Variants in METTL15 observed in about 807,000 individuals in gnomAD.
METTL15 encodes the protein 12S rRNA N(4)-cytidine methyltransferase METTL15.
In METTL15, 34 loss-of-function variants were observed where a neutral mutation model predicts 38.3. That is an observed-to-expected ratio of 0.89 (90% CI 0.68 to 1.18). The LOEUF (loss-of-function observed/expected upper bound fraction) is 1.18, where lower values mean the gene tolerates loss of function less well. METTL15 is among the 50% of genes most tolerant of loss of function. METTL15 has a pLI of 0.00. For synonymous variants in METTL15, 162 were observed against 170.9 expected (o/e 0.95, Z 0.41); for missense variants, 438 against 498.4 (o/e 0.88, Z 1.15).
chr11:28,269,050 G>A (rs1330335522), intron 4 of METTL15, among the ~76,000 whole-genome samples: 1 of 152,074 alleles, frequency 6.6e-6, no homozygotes, highest in East Asian at 1.9e-4. Context: ...AGGTTGCATA[G>A]CGACAATATG....
chr11:28,327,500 A>G (rs1296247135), intron 6 of METTL15: 1 of 152,482 alleles, frequency 6.6e-6, no homozygotes. Context: ...TAATGTGAAC[A>G]TGATTTATAT....
chr11:28,275,011 A>G (rs1018904051), intron 4 of METTL15, among the ~76,000 whole-genome samples: 7 of 151,626 alleles, frequency 4.6e-5, no homozygotes, highest in African/African-American at 1.4e-4. Context: ...TATGGCTTAC[A>G]TCAATTAGAA....
At chr11:28,358,558 G>T (rs1244182020) in intron 4 of METTL15, among the ~76,000 whole-genome samples, 2 of 152,142 alleles carry the variant, frequency 1.3e-5, no homozygotes, top group Non-Finnish European at 2.9e-5. Context: ...CCAGAGATCA[G>T]GATTTTGAAA....
chr11:28,341,663 C>G (rs1849953935), intron 3 of METTL15, among the ~76,000 whole-genome samples: 1 of 152,168 alleles, frequency 6.6e-6, no homozygotes, highest in Admixed American at 6.5e-5. Context: ...AGGGTATGCA[C>G]AAAGTAGTAT....
At chr11:28,263,521 G>A (rs1855292760) in intron 4 of METTL15, among the ~76,000 whole-genome samples, 1 of 151,940 alleles carries the variant, frequency 6.6e-6, no homozygotes, top group Non-Finnish European at 1.5e-5. Context: ...TAAGAAGTTA[G>A]GTGTCTGTGA....
Position 28,463,659 on chromosome 11 carries a change from A to G in METTL15, c.*424+39295A>G, listed in dbSNP as rs186896570. Among the ~76,000 whole-genome samples the G allele has an allele frequency of 3.1e-3, 465 of 152,232 alleles. 2 individuals carry two copies. Among genetic ancestry groups the G allele is most frequent in the Non-Finnish European group, 5.5e-3 (372 of 68,008 alleles). On this transcript the variant is annotated intron_variant and NMD_transcript_variant, in intron 6 of 7. Transcript: ENST00000532947. ...CCATGAGGCCACTGTATTTATCAGG[A>G]TAGGTTGGTTATACTGTATTAACAA...
intron 3 of METTL15, among the ~76,000 whole-genome samples, chr11:28,350,323 G>C (rs1019781942): frequency 1.3e-5 from 2 of 152,026 alleles, no homozygotes; most frequent in Non-Finnish European, 2.9e-5. Context: ...TGAAGGAAAT[G>C]AGAAAAAAAG....
intron 6 of METTL15, among the ~76,000 whole-genome samples, chr11:28,474,298 T>C (rs1851327111): frequency 6.6e-6 from 1 of 152,056 alleles, no homozygotes; most frequent in South Asian, 2.1e-4. Context: ...TTGTGATAAA[T>C]ATACACTAAT....
At chr11:28,279,611 A>T (rs919804847) in intron 4 of METTL15, among the ~76,000 whole-genome samples, 9 of 152,156 alleles carry the variant, frequency 5.9e-5, no homozygotes, top group African/African-American at 1.9e-4. Flanking sequence ...CTTAGGAAAG[A>T]CTAACATGGC....
chr11:28,434,213 ATTC>A (rs1260490465), intron 6 of METTL15, among the ~76,000 whole-genome samples: 1 of 152,084 alleles, frequency 6.6e-6, no homozygotes, highest in Non-Finnish European at 1.5e-5. Flanking sequence ...CTTGGCTCTT[ATTC>A]TTCTCCTTCC....
At chr11:28,378,085 T>C (rs1850338674) in intron 5 of METTL15, among the ~76,000 whole-genome samples, 1 of 152,136 alleles carries the variant, frequency 6.6e-6, no homozygotes, top group Non-Finnish European at 1.5e-5. Flanking sequence ...CATTTAAGTC[T>C]GCAGAGGTTA....
intron 6 of METTL15, among the ~76,000 whole-genome samples, chr11:28,456,030 A>C (rs986557484): frequency 6.6e-6 from 1 of 151,812 alleles, no homozygotes; most frequent in Admixed American, 6.6e-5. Flanking sequence ...TTTAAAGACA[A>C]GCTTTCACTC....
At chr11:28,504,353 T>A (rs1407591198) in intron 6 of METTL15, among the ~76,000 whole-genome samples, 1 of 152,186 alleles carries the variant, frequency 6.6e-6, no homozygotes, top group Non-Finnish European at 1.5e-5. Context: ...GCTCATGCTA[T>A]TCCTAAAAGG....
chr11:28,173,480 C>T lies in METTL15; in HGVS notation c.271-37582C>T, dbSNP rs1850935731. Among the ~76,000 whole-genome samples, 3 of 152,170 alleles carry T rather than the reference C, an allele frequency of 2.0e-5. No individual in the cohort carries two copies. The South Asian group carries it at 6.2e-4, about 32-fold the overall frequency. On this transcript the variant is annotated intron_variant, in intron 3 of 6. Transcript: ENST00000407364. ...CTCCAGAACTGCAAGAAATAAATTT[C>T]TGTTGCTTATAAGCCACCTGGTTTA...
At chr11:28,178,885 A>AT (rs999612973) in intron 3 of METTL15, among the ~76,000 whole-genome samples, 1 of 151,678 alleles carries the variant, frequency 6.6e-6, no homozygotes, top group African/African-American at 2.4e-5. Flanking sequence ...CAATTTGGTG[A>AT]TTTTTTTGAC....
chr11:28,336,928 A>G (rs1026764907), downstream of METTL15, among the ~76,000 whole-genome samples: 1 of 152,080 alleles, frequency 6.6e-6, no homozygotes, highest in African/African-American at 2.4e-5. Context: ...ACCATAGGAG[A>G]TGACAGTTCT....
chr11:28,328,013 C>A, intron 6 of METTL15: 1 of 1,395,572 alleles, frequency 7.2e-7, no homozygotes, highest in Non-Finnish European at 9.8e-7. Flanking sequence ...CAAAAATATC[C>A]TGCAGTTCTT....
chr11:28,501,543 G>T (rs1851582628), intron 6 of METTL15, among the ~76,000 whole-genome samples: 1 of 152,152 alleles, frequency 6.6e-6, no homozygotes. Context: ...TGTAGTTGAT[G>T]ACTGCAAGGA....
intron 3 of METTL15, among the ~76,000 whole-genome samples, chr11:28,203,211 G>A (rs1038728359): frequency 6.6e-6 from 1 of 151,974 alleles, no homozygotes; most frequent in Admixed American, 6.6e-5. Context: ...ATGAGTCTAT[G>A]ATTTTAAAAA....
Sources: gnomAD v4.1 joint callset for allele counts (sites outside exome capture counted in the v4.1 genomes callset) on GRCh38, gnomAD v4.1.1 for gene constraint, MANE v1.5 for transcripts, NCBI Gene and HGNC (gene_info 2026-07-23, HGNC 2026-07-21) for gene names.